Variants in PIP5K1B observed in about 807,000 individuals in gnomAD.
PIP5K1B encodes phosphatidylinositol-4-phosphate 5-kinase type 1 beta.
In PIP5K1B, 42 loss-of-function variants were observed where a neutral mutation model predicts 67.0. That is an observed-to-expected ratio of 0.63 (90% CI 0.49 to 0.81). The LOEUF (loss-of-function observed/expected upper bound fraction) is 0.81. Ranked by LOEUF, PIP5K1B falls within the 30% of genes least tolerant of loss-of-function variation. The pLI, the probability that PIP5K1B is intolerant of heterozygous loss-of-function variation, is 0.00. For missense variants in PIP5K1B, 459 were observed against 646.3 expected (o/e 0.71, Z 3.14); for synonymous variants, 214 against 231.4 (o/e 0.92, Z 0.68).
intron 4 of PIP5K1B, among the ~76,000 whole-genome samples, chr9:68,854,693 T>C (rs1481246391): frequency 6.6e-6 from 1 of 152,216 alleles, no homozygotes; most frequent in Non-Finnish European, 1.5e-5. Context: ...TAAAACATAG[T>C]AGCAATACCT....
intron 4 of PIP5K1B, among the ~76,000 whole-genome samples, chr9:68,833,596 C>T (rs571994417): frequency 6.6e-6 from 1 of 151,594 alleles, no homozygotes; most frequent in African/African-American, 2.4e-5. Flanking sequence ...ACTCATCAGC[C>T]CCAAGTGTCA....
chr9:68,926,395 C>T lies in PIP5K1B; in HGVS notation c.1201+3009C>T, dbSNP rs546612644. Among the ~76,000 whole-genome samples, 6 of 152,116 alleles carry T rather than the reference C, an allele frequency of 3.9e-5. No homozygotes were observed. The East Asian group carries it at 5.8e-4, about 15-fold the overall frequency. On this transcript the variant is annotated intron_variant, in intron 12 of 15. Coordinates refer to ENST00000265382, the MANE Select transcript of PIP5K1B (RefSeq NM_003558.4). ...TTAATGGAACAAGTTGTTTAACTCA[C>T]GGGTAATCAAATCTATTGACATTTT...
At chr9:69,000,026 A>T (rs1333365897) in intron 15 of PIP5K1B, among the ~76,000 whole-genome samples, 2 of 152,154 alleles carry the variant, frequency 1.3e-5, no homozygotes, top group African/African-American at 4.8e-5. Context: ...ACCACCTTTC[A>T]AGTTGGACTG....
chr9:68,883,928 T>C (rs1051011020), intron 6 of PIP5K1B, among the ~76,000 whole-genome samples: 2 of 152,074 alleles, frequency 1.3e-5, no homozygotes, highest in Non-Finnish European at 2.9e-5. Flanking sequence ...AGAAATGATG[T>C]TGGGAAAACT....
intron 2 of PIP5K1B, among the ~76,000 whole-genome samples, chr9:68,801,187 C>T (rs190007496): frequency 3.9e-3 from 592 of 152,238 alleles, no homozygotes; most frequent in African/African-American, 0.013. Flanking sequence ...TTGCTTGAGC[C>T]AGGATATAGT....
At chr9:68,978,930 G>A (rs377018039) in intron 14 of PIP5K1B, among the ~76,000 whole-genome samples, 65 of 152,148 alleles carry the variant, frequency 4.3e-4, no homozygotes, top group African/African-American at 1.2e-3. Flanking sequence ...ACATTTTGTC[G>A]GTGATCCATC....
intron 4 of PIP5K1B, chr9:68,824,034 G>A (rs1833860478): frequency 1.9e-6 from 1 of 512,850 alleles, no homozygotes; most frequent in Admixed American, 2.0e-5. Flanking sequence ...AAGTGCCGCA[G>A]TATATTTTAT....
Position 68,848,264 on chromosome 9 carries a change from G to A in PIP5K1B, c.70-15573G>A, listed in dbSNP as rs1822296302. Among the ~76,000 whole-genome samples the A allele has an allele frequency of 2.0e-5, 3 of 152,194 alleles. No homozygotes were observed. In the South Asian group the frequency reaches 6.2e-4, roughly 31 times the overall value. On this transcript the variant is annotated intron_variant, in intron 4 of 15. Transcript: ENST00000265382. ...GAGTTATGGCAAGAAAGGTACTACC[G>A]TAATGTGAAAAGATTCCACCTAAAG...
At chr9:68,744,203 C>T (rs1415625806) in intron 2 of PIP5K1B, among the ~76,000 whole-genome samples, 1 of 152,198 alleles carries the variant, frequency 6.6e-6, no homozygotes, top group African/African-American at 2.4e-5. Flanking sequence ...TGATCTTCAT[C>T]CTCAAGCTGG....
At chr9:68,968,296 G>A (rs1317532597) in intron 14 of PIP5K1B, among the ~76,000 whole-genome samples, 1 of 152,152 alleles carries the variant, frequency 6.6e-6, no homozygotes, top group Non-Finnish European at 1.5e-5. Context: ...GAGGCAGGTG[G>A]ATCACTTGAG....
Position 68,940,731 on chromosome 9 carries a change from T to C in PIP5K1B, c.1443T>C (p.Ser481=), listed in dbSNP as rs929197855. Residue 481 remains serine, a synonymous_variant, in exon 14 of 16, where the codon TCT becomes TCC. Transcript: ENST00000265382. Reference sequence around the variant, plus strand: ...CTTCCTTGGCAACCACAATTTCATCTTCTTCCTTATACGTCAATGAGCACT... The same window carrying C: ...CTTCCTTGGCAACCACAATTTCATCCTCTTCCTTATACGTCAATGAGCACT... ...EAASLATTIS[S]SSLYVNEHYP... is the part of the protein sequence containing the mutation. 2 of 1,614,030 alleles carry C rather than the reference T, an allele frequency of 1.2e-6. No homozygotes were observed. Among genetic ancestry groups the C allele is most frequent in the Non-Finnish European group, 1.7e-6 (2 of 1,179,896 alleles).
intron 14 of PIP5K1B, chr9:68,941,212 A>G (rs1827545249): frequency 2.4e-6 from 1 of 421,946 alleles, no homozygotes; most frequent in Non-Finnish European, 4.7e-6. Context: ...CCCCAAAGCT[A>G]TCCACATCCT....
intron 8 of PIP5K1B, among the ~76,000 whole-genome samples, chr9:68,901,800 T>C (rs1473477082): frequency 7.9e-5 from 12 of 152,234 alleles, no homozygotes; most frequent in Non-Finnish European, 1.5e-4. Context: ...TGCCTTCTAC[T>C]CTCTGGTCTT....
chr9:68,746,147 C>T (rs1829295726), intron 2 of PIP5K1B, among the ~76,000 whole-genome samples: 2 of 145,320 alleles, frequency 1.4e-5, no homozygotes, highest in South Asian at 2.2e-4. Flanking sequence ...GGTGCGATCT[C>T]GGCTCACTGC....
At chr9:68,754,670 A>G (rs774625353) in intron 2 of PIP5K1B, among the ~76,000 whole-genome samples, 4 of 152,178 alleles carry the variant, frequency 2.6e-5, no homozygotes, top group Non-Finnish European at 5.9e-5. Flanking sequence ...GAATTTTGTC[A>G]GTGGAGTTTC....
chr9:68,846,821 C>G (rs778963730), intron 4 of PIP5K1B, among the ~76,000 whole-genome samples: 1 of 152,098 alleles, frequency 6.6e-6, no homozygotes, highest in Non-Finnish European at 1.5e-5. Flanking sequence ...TTACAGCTTA[C>G]TATGAAAATT....
chr9:68,867,332 C>G (rs1470575289), intron 5 of PIP5K1B, among the ~76,000 whole-genome samples: 1 of 152,196 alleles, frequency 6.6e-6, no homozygotes, highest in African/African-American at 2.4e-5. Context: ...CAGATGCTAT[C>G]TTGTTTGTTT....
chr9:68,822,767 A>G, intron 4 of PIP5K1B, 84 bp downstream of exon 4: 1 of 907,672 alleles, frequency 1.1e-6, no homozygotes, highest in Admixed American at 2.0e-5. Flanking sequence ...TCCTTCTCCC[A>G]AGCAGTTGTA....
intron 12 of PIP5K1B, among the ~76,000 whole-genome samples, chr9:68,924,195 C>T (rs981570137): frequency 1.3e-5 from 2 of 149,844 alleles, no homozygotes; most frequent in African/African-American, 2.5e-5. Flanking sequence ...TGAAGTCAGG[C>T]GTTCAAGACC....
Sources: allele counts gnomAD v4.1 joint callset (sites outside exome capture counted in the v4.1 genomes callset), GRCh38; gene constraint gnomAD v4.1.1; transcripts MANE v1.5; gene names NCBI Gene and HGNC (gene_info 2026-07-23, HGNC 2026-07-21).